The following SLC2A14 variants were observed in gnomAD, a reference collection of about 807,000 sequenced individuals.
The protein encoded by SLC2A14 is solute carrier family 2 member 14.
In SLC2A14, 13 loss-of-function variants were observed where a neutral mutation model predicts 43.0. The observed-to-expected ratio is 0.30, with a 90% CI of 0.20 to 0.48. SLC2A14 has a LOEUF of 0.48. Ranked by LOEUF, SLC2A14 falls within the 20% of genes least tolerant of loss-of-function variation. SLC2A14 has a pLI of 0.99. For synonymous variants in SLC2A14, 190 were observed against 233.8 expected (o/e 0.81, Z 1.71); for missense variants, 428 against 620.4 (o/e 0.69, Z 3.29).
chr12:7,878,965 A>G (rs1310616549), intron 1 of SLC2A14, among the ~76,000 whole-genome samples: 1 of 121,908 alleles, frequency 8.2e-6, no homozygotes, highest in Non-Finnish European at 1.6e-5. Flanking sequence ...CGACACAGCA[A>G]GAGTCCGTCT....
upstream of SLC2A14, chr12:7,873,129 G>T: frequency 1.0e-6 from 1 of 985,590 alleles, no homozygotes; most frequent in South Asian, 4.7e-5. Flanking sequence ...ATCCCTCCGA[G>T]CGCCCCCTCA....
At chr12:7,827,000 C>CTCTCT in intron 7 of SLC2A14, among the ~76,000 whole-genome samples, 1 of 140,330 alleles carries the variant, frequency 7.1e-6, no homozygotes, top group East Asian at 2.1e-4. Flanking sequence ...CTCTTTCTCT[C>CTCTCT]CTTTCTCTCT....
rs751614872 is a variant in SLC2A14, at chr12:7,830,199, C to T, written c.273-193G>A. ...ACAGAGTCTCGCTCTGTTGCCCAGGCTGGAGTGCAGTGGCGCGATCTCCGC... is the reference window on the plus strand; with the variant it reads ...ACAGAGTCTCGCTCTGTTGCCCAGGTTGGAGTGCAGTGGCGCGATCTCCGC... On this transcript the variant is annotated intron_variant, in intron 4 of 10. Transcript: ENST00000431042. Among the ~76,000 whole-genome samples the T allele has an allele frequency of 4.0e-5, 6 of 148,966 alleles. No homozygotes were observed. The East Asian group carries it at 5.9e-4, about 15-fold the overall frequency.
rs149204489 is a variant in SLC2A14 at position 7,860,055 on chromosome 12, G to A, written c.18+9808C>T. Among the ~76,000 whole-genome samples the A allele has an allele frequency of 2.4e-3, 371 of 152,302 alleles. 3 individuals are homozygous for A. Among genetic ancestry groups the A allele is most frequent in the Admixed American group, 4.3e-3 (65 of 15,288 alleles). Reference sequence around the variant, plus strand: ...AAATCCGCCTCCAGAGCCCGTTGCTGTGGTGCTAGTAACATCCTTGGTATT... The same window carrying A: ...AAATCCGCCTCCAGAGCCCGTTGCTATGGTGCTAGTAACATCCTTGGTATT... On this transcript the variant is annotated intron_variant, in intron 2 of 10. Coordinates refer to ENST00000431042, the MANE Select transcript of SLC2A14 (RefSeq NM_001286234.2).
intron 2 of SLC2A14, among the ~76,000 whole-genome samples, chr12:7,864,841 TA>T (rs1309025466): frequency 1.3e-4 from 20 of 152,032 alleles, no homozygotes; most frequent in Non-Finnish European, 2.2e-4. Context: ...ACTCTTAGGG[TA>T]TTTTCATATG....
chr12:7,846,972 G>A (rs952886567), intron 2 of SLC2A14, among the ~76,000 whole-genome samples: 7 of 151,622 alleles, frequency 4.6e-5, no homozygotes, highest in East Asian at 2.0e-4. Flanking sequence ...TACCTGTGGC[G>A]GCCGGGCGCA....
chr12:7,891,165 C>T (rs912135161), upstream of SLC2A14: 2 of 1,524,648 alleles, frequency 1.3e-6, no homozygotes, highest in Admixed American at 2.0e-5. Context: ...GCAAAGCCAG[C>T]TGCTCCCAGT....
chr12:7,868,359 C>T (rs2121048652), intron 2 of SLC2A14, among the ~76,000 whole-genome samples: 1 of 152,298 alleles, frequency 6.6e-6, no homozygotes, highest in East Asian at 1.9e-4. Context: ...TTTATATGCA[C>T]TGGGAAGCCA....
chr12:7,839,805 GGCTCAT>G (rs1359289324), intron 2 of SLC2A14: 1 of 453,126 alleles, frequency 2.2e-6, no homozygotes, highest in Non-Finnish European at 4.4e-6. Flanking sequence ...CAGGCTCGAT[GGCTCAT>G]GCCTGTAATC....
intron 1 of SLC2A14, chr12:7,871,165 C>A: frequency 7.9e-7 from 1 of 1,270,914 alleles, no homozygotes; most frequent in Non-Finnish European, 1.0e-6. Context: ...GGATGTGATC[C>A]AAAACGCCTT....
At chr12:7,890,565 C>T (rs981851232) in intron 1 of SLC2A14, among the ~76,000 whole-genome samples, 11 of 152,096 alleles carry the variant, frequency 7.2e-5, no homozygotes, top group Non-Finnish European at 1.0e-4. Flanking sequence ...CATTTTAACA[C>T]GCCCTTATGC....
At chr12:7,857,803 G>A (rs1268103154) in intron 2 of SLC2A14, among the ~76,000 whole-genome samples, 1 of 151,978 alleles carries the variant, frequency 6.6e-6, no homozygotes, top group Admixed American at 6.6e-5. Flanking sequence ...TGGGATTACA[G>A]GCAGGTGCTG....
chr12:7,881,801 G>A (rs2121108469), intron 1 of SLC2A14, among the ~76,000 whole-genome samples: 1 of 152,254 alleles, frequency 6.6e-6, no homozygotes, highest in East Asian at 1.9e-4. Context: ...TACACCAATC[G>A]GCACTCTGTA....
chr12:7,830,429 G>C (rs1864923954), intron 4 of SLC2A14, among the ~76,000 whole-genome samples: 1 of 152,158 alleles, frequency 6.6e-6, no homozygotes, highest in South Asian at 2.1e-4. Context: ...GGGATTGCAG[G>C]TGTGAGCCAC....
chr12:7,839,419 G>C (rs753965381), intron 2 of SLC2A14, among the ~76,000 whole-genome samples: 186 of 152,102 alleles, frequency 1.2e-3, no homozygotes, highest in African/African-American at 3.7e-3. Context: ...AGTGAAGCGG[G>C]GGCAGAGTGG....
At chr12:7,874,942 ATATAAATATATTT>A, upstream of SLC2A14, among the ~76,000 whole-genome samples, 1 of 30,400 alleles carries the variant, frequency 3.3e-5, no homozygotes, top group Non-Finnish European at 6.1e-5. Context: ...TATAATTTAT[ATATAAATATATTT>A]ATATATAAAT....
chr12:7,836,860 C>G (rs892341624), intron 2 of SLC2A14, among the ~76,000 whole-genome samples: 7 of 151,200 alleles, frequency 4.6e-5, no homozygotes, highest in African/African-American at 9.7e-5. Flanking sequence ...TCAGTAGCCA[C>G]ATTAAAAAAA....
chr12:7,882,728 G>A (rs11056295), intron 1 of SLC2A14, among the ~76,000 whole-genome samples: 57,229 of 151,650 alleles, frequency 0.38, 11,490 homozygotes, highest in Middle Eastern at 0.52. Flanking sequence ...TCCCAGCTAC[G>A]TGGGAAGCTG....
Position 7,841,363 on chromosome 12 carries a change from C to T in SLC2A14, c.19-8549G>A, listed in dbSNP as rs1226511648. Among the ~76,000 whole-genome samples the T allele has an allele frequency of 2.6e-5, 4 of 152,046 alleles. No individual in the cohort carries two copies. The South Asian group carries it at 6.2e-4, about 24-fold the overall frequency. On this transcript the variant is annotated intron_variant, in intron 2 of 10. Transcript: ENST00000431042. ...GCAACCTCCACCTCCCACGTTTAAG[C>T]GATTCTCCTGCCTCAGCCTCCCAAG...
Sources: gnomAD v4.1 joint callset for allele counts (sites outside exome capture counted in the v4.1 genomes callset) on GRCh38, gnomAD v4.1.1 for gene constraint, MANE v1.5 for transcripts, NCBI Gene and HGNC (gene_info 2026-07-23, HGNC 2026-07-21) for gene names.